STYK1: variants seen among roughly 807,000 people sequenced by gnomAD.
STYK1 encodes tyrosine-protein kinase STYK1.
A neutral mutation model predicts 48.1 loss-of-function variants in STYK1; 46 were observed. The observed-to-expected ratio is 0.96, with a 90% confidence interval of 0.75 to 1.22. The LOEUF is 1.22. STYK1 is among the 50% of genes most tolerant of loss of function. The probability of loss-of-function intolerance (pLI) is 0.00; values close to 1 mark genes in which losing one functional copy is unlikely to be tolerated. For synonymous variants in STYK1, 188 were observed against 189.0 expected (o/e 0.99, Z 0.04); for missense variants, 527 against 521.1 (o/e 1.01, Z -0.11).
At chr12:10,662,507 T>C (rs770132957) in intron 1 of STYK1, among the ~76,000 whole-genome samples, 4 of 152,246 alleles carry the variant, frequency 2.6e-5, no homozygotes, top group Non-Finnish European at 5.9e-5. Context: ...TGTCTCCACA[T>C]CCTTGACAAA....
chr12:10,626,850 C>CA (rs1296602226), intron 7 of STYK1, among the ~76,000 whole-genome samples: 2 of 151,758 alleles, frequency 1.3e-5, no homozygotes, highest in South Asian at 2.1e-4. Context: ...ACTAAAAATA[C>CA]AAAAAAATTA....
At chr12:10,663,383 C>G (rs923345158) in intron 1 of STYK1, among the ~76,000 whole-genome samples, 1 of 151,696 alleles carries the variant, frequency 6.6e-6, no homozygotes, top group Admixed American at 6.6e-5. Flanking sequence ...GAGGCTGAGG[C>G]GGGAGGATCA....
intron 4 of STYK1, among the ~76,000 whole-genome samples, chr12:10,631,795 T>C (rs543555026): frequency 6.6e-6 from 1 of 152,350 alleles, no homozygotes; most frequent in Non-Finnish European, 1.5e-5. Context: ...AGTCAAGTTA[T>C]TTCATATTTC....
At chr12:10,664,902 T>C (rs1947818298) in intron 1 of STYK1, among the ~76,000 whole-genome samples, 1 of 152,238 alleles carries the variant, frequency 6.6e-6, no homozygotes, top group Non-Finnish European at 1.5e-5. Context: ...CATTTCATAA[T>C]AATTCATGGC....
chr12:10,659,678 A>G lies in STYK1; in HGVS notation c.-195+14288T>C, dbSNP rs1947754949. Among the ~76,000 whole-genome samples, 3 of 152,216 alleles carry G rather than the reference A, an allele frequency of 2.0e-5. No homozygotes were observed. In the South Asian group the frequency reaches 6.2e-4, roughly 32 times the overall value. ...ATGGCTGAGCTCAAGGAGTTTTTTA[A>G]AAGTCTTATCTGAAATTACTTATGG... On this transcript the variant is annotated intron_variant, in intron 1 of 10. Coordinates refer to ENST00000075503, the MANE Select transcript of STYK1 (RefSeq NM_018423.3).
chr12:10,621,265 C>T (rs1865901965), intron 10 of STYK1, among the ~76,000 whole-genome samples: 1 of 152,088 alleles, frequency 6.6e-6, no homozygotes, highest in African/African-American at 2.4e-5. Context: ...TTTTCCATTT[C>T]CTGCCTCTAG....
chr12:10,662,639 C>T (rs929154275), intron 1 of STYK1, among the ~76,000 whole-genome samples: 2 of 152,130 alleles, frequency 1.3e-5, no homozygotes, highest in African/African-American at 2.4e-5. Flanking sequence ...TTCATGTGCT[C>T]ATTGGCCACT....
At position 10,633,912 on chromosome 12, in the gene STYK1, C is replaced by T. The variant is rs968270215; in HGVS notation, c.187+78G>A. 1.8e-5 allele frequency: 27 copies of T among 1,534,310 alleles called. No homozygotes were observed. The East Asian group carries it at 4.3e-4, about 24-fold the overall frequency. ...GTACCTAGACTTCTAGACATGGGCT[C>T]ATTGAAACTTAGACCATACTTTTTC... On this transcript the variant is annotated intron_variant, in intron 4 of 10. Transcript: ENST00000075503.
Position 10,634,576 on chromosome 12 carries a change from T to A in STYK1, c.43A>T (p.Lys15Ter). The A allele has an allele frequency of 6.2e-7, 1 of 1,614,098 alleles. No homozygotes were observed. The highest frequency in any genetic ancestry group is 1.7e-5 in the Admixed American group (1 of 60,018). Residue 15 changes from lysine to a stop codon, truncating the protein, a stop_gained, in exon 3 of 11, where the codon AAG becomes TAG. Transcript: ENST00000075503. LOFTEE classifies it high-confidence loss of function. Reference sequence around the variant, plus strand: ...TGGAATCCGTACTTACCACACAACTTGTCACTGAGACTGCATTCCAGGAGC... The same window carrying A: ...TGGAATCCGTACTTACCACACAACTAGTCACTGAGACTGCATTCCAGGAGC... ...RMLLECSLSDKLCVIQEKQYE... is the reference protein window; with the variant it reads ...RMLLECSLSD
intron 1 of STYK1, among the ~76,000 whole-genome samples, chr12:10,664,658 T>C (rs1449663616): frequency 6.6e-6 from 1 of 152,208 alleles, no homozygotes; most frequent in Non-Finnish European, 1.5e-5. Context: ...TTTTATGACC[T>C]TAGTTCAAGT....
Position 10,627,698 on chromosome 12 carries a change from G to C in STYK1, c.660C>G (p.Leu220=). The C allele has an allele frequency of 6.2e-7, 1 of 1,613,440 alleles. No homozygotes were observed. The highest frequency in any genetic ancestry group is 8.5e-7 in the Non-Finnish European group (1 of 1,179,780). The change falls in exon 7 of 11, where the codon CTC becomes CTG. Residue 220 remains leucine, a synonymous_variant. Coordinates refer to ENST00000075503, the MANE Select transcript of STYK1 (RefSeq NM_018423.3). ...ATACTTGTTTTTCTGTGAGATCATA[G>C]AGAAGACCATCCATAGTCATCACAT... ...RRDVMTMDGL[L]YDLTEKQVYH...
chr12:10,656,245 C>T (rs1307126109), intron 1 of STYK1, among the ~76,000 whole-genome samples: 1 of 152,160 alleles, frequency 6.6e-6, no homozygotes, highest in East Asian at 1.9e-4. Flanking sequence ...GTGAGGCCTC[C>T]CCAGCCACGT....
chr12:10,626,815 G>C (rs1172946444), intron 7 of STYK1, among the ~76,000 whole-genome samples: 1 of 152,024 alleles, frequency 6.6e-6, no homozygotes, highest in East Asian at 1.9e-4. Context: ...GACCATCCTG[G>C]CTAACACAGT....
Position 10,637,498 on chromosome 12 carries a change from C to T in STYK1, c.-194-302G>A, listed in dbSNP as rs549939358. On this transcript the variant is annotated intron_variant, in intron 1 of 10. Coordinates refer to ENST00000075503, the MANE Select transcript of STYK1 (RefSeq NM_018423.3). ...GACTACAGGCACCCACCACCACGCACGCCCGGCTAATTTTCTGTATTTTTA... is the reference window on the plus strand; with the variant it reads ...GACTACAGGCACCCACCACCACGCATGCCCGGCTAATTTTCTGTATTTTTA... Among the ~76,000 whole-genome samples the T allele has an allele frequency of 8.5e-5, 13 of 152,080 alleles. No homozygotes were observed. In the South Asian group the frequency reaches 1.0e-3, roughly 12 times the overall value.
At chr12:10,646,790 G>T (rs962605210) in intron 1 of STYK1, among the ~76,000 whole-genome samples, 53 of 152,342 alleles carry the variant, frequency 3.5e-4, no homozygotes, top group African/African-American at 1.2e-3. Context: ...TCTGCTATGT[G>T]CAATCTAGGG....
chr12:10,631,290 G>T lies in STYK1; in HGVS notation c.206C>A (p.Pro69Gln). 6.2e-7 allele frequency: 1 copy of T among 1,614,166 alleles called. No individual in the cohort carries two copies. The highest frequency in any genetic ancestry group is 8.5e-7 in the Non-Finnish European group (1 of 1,180,002). ...TGCTTCCCAGCTTAGGTCCCTAGGTGGAGGAACAGGGGCAATGCCTAGAAC... is the reference window on the plus strand; with the variant it reads ...TGCTTCCCAGCTTAGGTCCCTAGGTTGAGGAACAGGGGCAATGCCTAGAAC... ...SGPQGIAPVP[P>Q]PRDLSWEAGH... is the part of the protein sequence containing the mutation. Residue 69 changes from proline (P) to glutamine (Q), a missense_variant, in exon 5 of 11, where the codon CCA becomes CAA. Pro to Gln is a moderately conservative substitution (Grantham distance 76). Coordinates refer to ENST00000075503, the MANE Select transcript of STYK1 (RefSeq NM_018423.3).
At chr12:10,634,150 G>C (rs1370758711) in intron 3 of STYK1, 26 bp from the exon 4 acceptor site, 1 of 1,465,562 alleles carries the variant, frequency 6.8e-7, no homozygotes, top group Admixed American at 2.3e-5. Context: ...CACAGGAAGA[G>C]AAGAGAATGA....
At chr12:10,642,100 T>G (rs1345950005) in intron 1 of STYK1, among the ~76,000 whole-genome samples, 1 of 152,218 alleles carries the variant, frequency 6.6e-6, no homozygotes, top group Non-Finnish European at 1.5e-5. Flanking sequence ...AAAACGGGCA[T>G]GCCAATCAAT....
chr12:10,670,995 A>AATT (rs1947885347), intron 1 of STYK1, among the ~76,000 whole-genome samples: 1 of 110,508 alleles, frequency 9.0e-6, no homozygotes, highest in Non-Finnish European at 1.7e-5. Context: ...GAATATATTG[A>AATT]TTTTTTTTTT....
Sources: gnomAD v4.1 joint callset for allele counts (sites outside exome capture counted in the v4.1 genomes callset) on GRCh38, gnomAD v4.1.1 for gene constraint, MANE v1.5 for transcripts, NCBI Gene and HGNC (gene_info 2026-07-23, HGNC 2026-07-21) for gene names.